NR1D2: variants seen among roughly 807,000 people sequenced by gnomAD.
NR1D2 encodes the protein V-erbA-related protein 1-related.
In NR1D2, 25 loss-of-function variants were observed where a neutral mutation model predicts 52.2. That is an observed-to-expected ratio of 0.48 (90% CI 0.35 to 0.67). The LOEUF (loss-of-function observed/expected upper bound fraction) is 0.67. Ranked by LOEUF, NR1D2 falls within the 30% of genes least tolerant of loss-of-function variation. The pLI is 0.01. For missense variants in NR1D2, 681 were observed against 707.2 expected, an observed-to-expected ratio of 0.96 and a Z score of 0.42; for synonymous variants, 259 against 230.1, an observed-to-expected ratio of 1.13 and a Z score of -1.14.
chr3:23,945,682 T>G (rs1575140548), intron 1 of NR1D2, 88 bp downstream of exon 1: 12 of 180,412 alleles, frequency 6.7e-5, no homozygotes, highest in Non-Finnish European at 1.0e-4. Context: ...GCAGGGGGTG[T>G]CCCCATGGCC....
At chr3:23,951,085 A>G (rs1206379281) in intron 1 of NR1D2, among the ~76,000 whole-genome samples, 1 of 151,700 alleles carries the variant, frequency 6.6e-6, no homozygotes, top group Non-Finnish European at 1.5e-5. Context: ...TTGTATTTTT[A>G]GTAGAGATGG....
Position 23,977,570 on chromosome 3 carries a change from CG to C in NR1D2, c.*153del, listed in dbSNP as rs1706766789. 1 of 468,064 alleles carries C rather than the reference CG, an allele frequency of 2.1e-6. No homozygotes were observed. The highest frequency in any genetic ancestry group is 3.7e-6 in the Non-Finnish European group (1 of 273,236). The allele number at this position is 468,064 out of a possible 1,614,324, so 29.0% of individuals were successfully genotyped here. A position where few individuals can be genotyped will look rare whatever the true frequency, so the allele number is the denominator to read the frequency against. ...TCTCTGTAATCATGCAATAGCTGTT[CG>C]GATTGAGAACTCTTCAGCCATGATT... On this transcript the variant is annotated 3_prime_UTR_variant, in exon 8 of 8. Coordinates refer to ENST00000312521, the MANE Select transcript of NR1D2 (RefSeq NM_005126.5).
chr3:23,950,892 C>CTTTCTT (rs1559329540), intron 1 of NR1D2, among the ~76,000 whole-genome samples: 1 of 141,386 alleles, frequency 7.1e-6, no homozygotes, highest in Non-Finnish European at 1.5e-5. Context: ...TTTCTTTTCT[C>CTTTCTT]TTTCTTTTTC....
rs1356891367 is a variant in NR1D2, at chr3:23,979,404, A to T, written c.*1985A>T. 6.6e-6 allele frequency: 1 copy of T among 152,106 alleles called. No individual in the cohort carries two copies. The highest frequency in any genetic ancestry group is 1.9e-4 in the East Asian group (1 of 5,204). The allele number at this position is 152,106 out of a possible 1,614,324, so 9.4% of individuals were successfully genotyped here. A position where few individuals can be genotyped will look rare whatever the true frequency, so the allele number is the denominator to read the frequency against. ...ATAGAAACAGCTTTTTGAAGTAATG[A>T]AAACCTCAAAAGATCATGTTGATTC... On this transcript the variant is annotated 3_prime_UTR_variant, in exon 8 of 8. Coordinates refer to ENST00000312521, the MANE Select transcript of NR1D2 (RefSeq NM_005126.5).
intron 4 of NR1D2, among the ~76,000 whole-genome samples, chr3:23,961,227 C>T (rs1404949698): frequency 6.6e-6 from 1 of 152,056 alleles, no homozygotes; most frequent in Non-Finnish European, 1.5e-5. Context: ...AATGATTTCA[C>T]CTACCAGATT....
intron 6 of NR1D2, among the ~76,000 whole-genome samples, chr3:23,966,387 C>T (rs1339160438): frequency 6.6e-6 from 1 of 152,206 alleles, no homozygotes; most frequent in Non-Finnish European, 1.5e-5. Context: ...TGGATAGTCT[C>T]TTTGGGTGTT....
At chr3:23,946,315 C>T (rs1171747028) in intron 1 of NR1D2, 1 of 983,882 alleles carries the variant, frequency 1.0e-6, no homozygotes, top group South Asian at 4.7e-5. Context: ...AGGCTGGTAG[C>T]TGCATACCTT....
At chr3:23,965,237 T>A in intron 6 of NR1D2, 75 bp downstream of exon 6, 68 of 495,086 alleles carry the variant, frequency 1.4e-4, no homozygotes, top group Non-Finnish European at 1.8e-4. Flanking sequence ...TTTTAATTCT[T>A]TTTTTTTTTT....
chr3:23,959,004 C>T lies in NR1D2; in HGVS notation c.373-667C>T, dbSNP rs541191455. On this transcript the variant is annotated intron_variant, in intron 3 of 7. Coordinates refer to ENST00000312521, the MANE Select transcript of NR1D2 (RefSeq NM_005126.5). ...TCAGGTCCGGAGTGGTGGTGGCTTACACCCTGTAAGTCTAACACTTCGGGA... is the reference window on the plus strand; with the variant it reads ...TCAGGTCCGGAGTGGTGGTGGCTTATACCCTGTAAGTCTAACACTTCGGGA... Among the ~76,000 whole-genome samples, 51 of 151,998 alleles carry T rather than the reference C, an allele frequency of 3.4e-4. 1 individual carries two copies. The South Asian group carries it at 8.9e-3, about 27-fold the overall frequency.
intron 7 of NR1D2, among the ~76,000 whole-genome samples, chr3:23,976,508 A>C (rs73822613): frequency 0.01 from 1,545 of 152,254 alleles, 37 homozygotes; most frequent in African/African-American, 0.036. Context: ...GTTCCTTGCA[A>C]GCTGTTGGAC....
At chr3:23,947,875 TG>T (rs1705799793) in intron 1 of NR1D2, among the ~76,000 whole-genome samples, 1 of 152,158 alleles carries the variant, frequency 6.6e-6, no homozygotes, top group Non-Finnish European at 1.5e-5. Flanking sequence ...CCCAGCACTT[TG>T]GGAGGCTGAG....
At position 23,977,696 on chromosome 3, in the gene NR1D2, C is replaced by G. The variant is rs1044498957; in HGVS notation, c.*277C>G. ...AATCACACTGAATGTTAGACTTTTT[C>G]ATCTGCCAAAACCAAAAACCATTTT... On this transcript the variant is annotated 3_prime_UTR_variant, in exon 8 of 8. Transcript: ENST00000312521. 1 of 250,754 alleles carries G rather than the reference C, an allele frequency of 4.0e-6. No homozygotes were observed. The highest frequency in any genetic ancestry group is 2.2e-5 in the African/African-American group (1 of 45,030). 15.5% of individuals were successfully genotyped at this position (250,754 alleles called of 1,614,324 possible). A position where few individuals can be genotyped will look rare whatever the true frequency, so the allele number is the denominator to read the frequency against.
intron 5 of NR1D2, chr3:23,963,463 T>G: frequency 2.6e-6 from 3 of 1,137,116 alleles, no homozygotes; most frequent in Non-Finnish European, 3.3e-6. Flanking sequence ...TTTTTGTTTT[T>G]TTTTTTGAGA....
chr3:23,950,890 C>T (rs1575145712), intron 1 of NR1D2, among the ~76,000 whole-genome samples: 1 of 137,402 alleles, frequency 7.3e-6, no homozygotes. Context: ...CTTTTCTTTT[C>T]TCTTTCTTTT....
At position 23,979,276 on chromosome 3, in the gene NR1D2, T is replaced by C. The variant is rs1706815457; in HGVS notation, c.*1857T>C. 3 of 152,264 alleles carry C rather than the reference T, an allele frequency of 2.0e-5. No individual in the cohort carries two copies. The highest frequency in any genetic ancestry group is 2.9e-5 in the Non-Finnish European group (2 of 67,948). The allele number at this position is 152,264 out of a possible 1,614,324, so 9.4% of individuals were successfully genotyped here. A position where few individuals can be genotyped will look rare whatever the true frequency, so the allele number is the denominator to read the frequency against. On this transcript the variant is annotated 3_prime_UTR_variant, in exon 8 of 8. Coordinates refer to ENST00000312521, the MANE Select transcript of NR1D2 (RefSeq NM_005126.5). ...TTACCTTAAGTAGGTATAACTCTTA[T>C]GGGATATACAGTATAGTTTTTGTGA...
At chr3:23,961,034 T>C (rs1432608180) in intron 4 of NR1D2, among the ~76,000 whole-genome samples, 3 of 152,238 alleles carry the variant, frequency 2.0e-5, no homozygotes, top group African/African-American at 7.2e-5. Flanking sequence ...TTTACTTATT[T>C]CACTGGTTTT....
intron 1 of NR1D2, among the ~76,000 whole-genome samples, chr3:23,947,491 G>A (rs1705774928): frequency 1.3e-5 from 2 of 152,306 alleles, no homozygotes; most frequent in South Asian, 4.1e-4. Flanking sequence ...GGCTCTTGTG[G>A]AAGTGGTTGG....
chr3:23,945,578 C>T lies in NR1D2; in HGVS notation c.-1C>T. 1.1e-5 allele frequency: 13 copies of T among 1,172,208 alleles called. No individual in the cohort carries two copies. The highest frequency in any genetic ancestry group is 1.4e-5 in the Non-Finnish European group (13 of 942,408). The allele number at this position is 1,172,208 out of a possible 1,614,324, so 72.6% of individuals were successfully genotyped here. ...GCCCCGGCCGCCTCCGCGAGGGCAC[C>T]ATGGAGGTGAATGCAGGTAAGAACC... On this transcript the variant is annotated 5_prime_UTR_variant, in exon 1 of 8. Coordinates refer to ENST00000312521, the MANE Select transcript of NR1D2 (RefSeq NM_005126.5).
chr3:23,975,289 AT>A (rs549443441), intron 7 of NR1D2, among the ~76,000 whole-genome samples: 93 of 142,844 alleles, frequency 6.5e-4, no homozygotes, highest in Middle Eastern at 3.6e-3. Context: ...ATTCAATTAA[AT>A]TTTTTTTTTT....
Sources: allele counts gnomAD v4.1 joint callset (sites outside exome capture counted in the v4.1 genomes callset), GRCh38; gene constraint gnomAD v4.1.1; transcripts MANE v1.5; gene names NCBI Gene and HGNC (gene_info 2026-07-23, HGNC 2026-07-21).